NCOA6: variants seen among roughly 807,000 people sequenced by gnomAD.
NCOA6 encodes nuclear receptor coactivator 6, also known as NRC RAP250.
Under a neutral mutation model 171.4 loss-of-function variants are expected in NCOA6, and 49 were observed. That is an observed-to-expected ratio of 0.29 (90% CI 0.23 to 0.36). NCOA6 has a LOEUF of 0.36. NCOA6 is among the 10% of genes least tolerant of loss of function. The probability of loss-of-function intolerance (pLI) is 1.00; values close to 1 mark genes in which losing one functional copy is unlikely to be tolerated. For missense variants in NCOA6, 2,248 were observed against 2,554.5 expected, an observed-to-expected ratio of 0.88 and a Z score of 2.59; for synonymous variants, 910 against 927.5, an observed-to-expected ratio of 0.98 and a Z score of 0.34.
Position 34,749,841 on chromosome 20 carries a change from C to T in NCOA6, c.2354G>A (p.Gly785Glu). 6.2e-7 allele frequency: 1 copy of T among 1,614,202 alleles called. No homozygotes were observed. The highest frequency in any genetic ancestry group is 8.5e-7 in the Non-Finnish European group (1 of 1,180,042). ...NSPSQVMGIQ[G>E]QVLRPPGPSP... ...GGGCCCTGGTGGCCGCAGGACCTGTCCCTGAATGCCCATAACCTGAGATGG... is the reference window on the plus strand; with the variant it reads ...GGGCCCTGGTGGCCGCAGGACCTGTTCCTGAATGCCCATAACCTGAGATGG... Residue 785 changes from glycine (G) to glutamate (E), a missense_variant, in exon 9 of 15, where the codon GGA becomes GAA. Transcript: ENST00000359003.
chr20:34,760,753 T>C (rs1184612604), intron 5 of NCOA6, among the ~76,000 whole-genome samples: 3 of 152,226 alleles, frequency 2.0e-5, no homozygotes, highest in East Asian at 1.9e-4. Context: ...TTTATTAGCA[T>C]AGTTAATTGT....
chr20:34,735,609 A>G (rs1297799604), intron 12 of NCOA6, among the ~76,000 whole-genome samples: 1 of 151,328 alleles, frequency 6.6e-6, no homozygotes. Flanking sequence ...GCGCCACTGC[A>G]CTCCAGCCTG....
Position 34,750,236 on chromosome 20 carries a change from G to A in NCOA6, c.1959C>T (p.Ala653=). 1 of 1,610,812 alleles carries A rather than the reference G, an allele frequency of 6.2e-7. No individual in the cohort carries two copies. The highest frequency in any genetic ancestry group is 1.1e-5 in the South Asian group (1 of 90,738). Residue 653 remains alanine, a synonymous_variant, in exon 9 of 15, where the codon GCC becomes GCT. Coordinates refer to ENST00000359003, the MANE Select transcript of NCOA6 (RefSeq NM_014071.5). The part of the protein sequence containing the change: ...NPQNPMILSR[A]QLMPQGQMMV... ...TCATCTGGCCCTGTGGCATAAGCTGGGCCCTTGAAAGGATCATAGGGTTCT... is the reference window on the plus strand; with the variant it reads ...TCATCTGGCCCTGTGGCATAAGCTGAGCCCTTGAAAGGATCATAGGGTTCT...
chr20:34,778,279 G>A (rs981502188), intron 3 of NCOA6, among the ~76,000 whole-genome samples: 4 of 152,156 alleles, frequency 2.6e-5, no homozygotes, highest in Admixed American at 6.5e-5. Context: ...TACGCTAAGC[G>A]AAATAAGCCA....
intron 1 of NCOA6, among the ~76,000 whole-genome samples, chr20:34,822,921 A>C (rs2079050282): frequency 6.6e-6 from 1 of 152,136 alleles, no homozygotes; most frequent in Non-Finnish European, 1.5e-5. Context: ...CAGTTCTGTG[A>C]CTCTGTAACA....
At position 34,741,110 on chromosome 20, in the gene NCOA6, T is replaced by C. The variant is rs779731696; in HGVS notation, c.5146A>G (p.Asn1716Asp). The C allele has an allele frequency of 4.1e-5, 66 of 1,614,172 alleles. No homozygotes were observed. Among genetic ancestry groups the C allele is most frequent in the Admixed American group, 3.7e-4 (22 of 60,024 alleles). Residue 1716 changes from asparagine (N) to aspartate (D), a missense_variant, in exon 11 of 15, where the codon AAT becomes GAT. Asn to Asp is a conservative substitution (Grantham distance 23, BLOSUM62 1). Transcript: ENST00000359003. ...IKFSSAPVPP[N>D]ALSSSPAPNI... ...GGAGCAGGACTACTGGAGAGGGCAT[T>C]AGGCGGTACAGGAGCAGAAGAAAAT...
intron 1 of NCOA6, among the ~76,000 whole-genome samples, chr20:34,793,916 AAAAG>A (rs1219383868): frequency 6.6e-6 from 1 of 152,208 alleles, no homozygotes; most frequent in African/African-American, 2.4e-5. Flanking sequence ...AATTCACAGA[AAAAG>A]AAATACAAAC....
rs34831325 is a variant in NCOA6 at position 34,802,608 on chromosome 20, G to GA, written c.-163-10046dup. On this transcript the variant is annotated intron_variant, in intron 1 of 14. Coordinates refer to ENST00000359003, the MANE Select transcript of NCOA6 (RefSeq NM_014071.5). The stretch of plus-strand genomic sequence containing the variant: ...GAGCAAGACTCCGTCTCAAAAAAAA[G>GA]AAAAAAAAAATTGGTGAAAATATAA... 8.2e-4 allele frequency among the ~76,000 whole-genome samples: 122 copies of GA among 148,228 alleles called. 2 individuals are homozygous for GA. Among genetic ancestry groups the GA allele is most frequent in the African/African-American group, 2.1e-3 (86 of 40,098 alleles).
chr20:34,813,556 G>T (rs1351563981), intron 1 of NCOA6, among the ~76,000 whole-genome samples: 2 of 152,012 alleles, frequency 1.3e-5, no homozygotes, highest in East Asian at 3.8e-4. Context: ...GTTTTGTTAG[G>T]TGTTAATAAT....
intron 11 of NCOA6, among the ~76,000 whole-genome samples, chr20:34,739,417 C>T (rs1416761373): frequency 6.6e-6 from 1 of 152,148 alleles, no homozygotes; most frequent in African/African-American, 2.4e-5. Context: ...TAATACCAAC[C>T]CAAGCCTACT....
intron 1 of NCOA6, among the ~76,000 whole-genome samples, chr20:34,814,301 T>C (rs1179861080): frequency 2.0e-5 from 3 of 151,838 alleles, no homozygotes; most frequent in Non-Finnish European, 4.4e-5. Context: ...ATCACGCCAC[T>C]ACACTCCAGC....
chr20:34,773,918 A>G (rs6060042), intron 4 of NCOA6, among the ~76,000 whole-genome samples: 128,920 of 152,238 alleles, frequency 0.85, 54,774 homozygotes, highest in Admixed American at 0.91. Context: ...TCCCAGGAGC[A>G]TGGGAACAGA....
In NCOA6 at chr20:34,775,693, G is replaced by GAAA. The variant is rs5841181; in HGVS notation, c.391+597_391+599dup. ...GTCTCAAAAAAAAAAAAAAAAAAAAGAAAAAAAAAAGAAAAGAAAATGAAT... is the reference window on the plus strand; with the variant it reads ...GTCTCAAAAAAAAAAAAAAAAAAAAGAAAAAAAAAAAAAGAAAAGAAAATGAAT... On this transcript the variant is annotated intron_variant, in intron 4 of 14. Transcript: ENST00000359003. Among the ~76,000 whole-genome samples the GAAA allele has an allele frequency of 5.3e-5, 7 of 133,090 alleles. 2 individuals are homozygous for GAAA. Among genetic ancestry groups the GAAA allele is most frequent in the Non-Finnish European group, 3.1e-5 (2 of 63,722 alleles). The allele number at this position is 133,090 out of a possible 152,430, so 87.3% of individuals were successfully genotyped here.
At chr20:34,823,762 A>T (rs1006347529) in intron 1 of NCOA6, among the ~76,000 whole-genome samples, 3 of 151,766 alleles carry the variant, frequency 2.0e-5, no homozygotes, top group Non-Finnish European at 2.9e-5. Flanking sequence ...TCATGGAATG[A>T]CCATAGCATG....
At chr20:34,805,722 C>T (rs1230065431) in intron 1 of NCOA6, among the ~76,000 whole-genome samples, 2 of 150,296 alleles carry the variant, frequency 1.3e-5, no homozygotes, top group Non-Finnish European at 3.0e-5. Flanking sequence ...TACTCTGGTG[C>T]CCAGGCCCCA....
At chr20:34,788,216 C>T (rs890813043) in intron 2 of NCOA6, among the ~76,000 whole-genome samples, 1 of 150,354 alleles carries the variant, frequency 6.7e-6, no homozygotes, top group Non-Finnish European at 1.5e-5. Context: ...CTCTGTCTCG[C>T]CCAGGCTGGA....
intron 12 of NCOA6, 38 bp downstream of exon 12, chr20:34,736,652 C>G (rs1450670485): frequency 6.5e-7 from 1 of 1,544,200 alleles, no homozygotes. Context: ...ACATGTAACC[C>G]ATCCCACTCC....
At chr20:34,715,803 T>G (rs1988489528) in intron 14 of NCOA6, among the ~76,000 whole-genome samples, 1 of 152,220 alleles carries the variant, frequency 6.6e-6, no homozygotes, top group Non-Finnish European at 1.5e-5. Flanking sequence ...GGATCCCTTT[T>G]GGAGCCAAGC....
intron 5 of NCOA6, among the ~76,000 whole-genome samples, chr20:34,759,893 T>C (rs2076765075): frequency 6.6e-6 from 1 of 152,222 alleles, no homozygotes; most frequent in African/African-American, 2.4e-5. Context: ...TACCAATTTA[T>C]ACTCAAACTA....
Sources: gnomAD v4.1 joint callset for allele counts (sites outside exome capture counted in the v4.1 genomes callset) on GRCh38, gnomAD v4.1.1 for gene constraint, MANE v1.5 for transcripts, NCBI Gene and HGNC (gene_info 2026-07-23, HGNC 2026-07-21) for gene names.